SYNJ1: variants seen among roughly 807,000 people sequenced by gnomAD.
SYNJ1 encodes synaptojanin 1.
A neutral mutation model predicts 168.2 loss-of-function variants in SYNJ1; 78 were observed. The observed-to-expected ratio is 0.46, with a 90% CI of 0.39 to 0.56. SYNJ1 has a LOEUF of 0.56. Ranked by LOEUF, SYNJ1 falls within the 20% of genes least tolerant of loss-of-function variation. The probability of loss-of-function intolerance (pLI) is 0.00; values close to 1 mark genes in which losing one functional copy is unlikely to be tolerated. For missense variants in SYNJ1, 1,303 were observed against 1,597.6 expected, an observed-to-expected ratio of 0.82 and a Z score of 3.14; for synonymous variants, 539 against 548.6, an observed-to-expected ratio of 0.98 and a Z score of 0.24.
chr21:32,676,279 G>C, intron 13 of SYNJ1, 53 bp downstream of exon 13: 1 of 1,442,866 alleles, frequency 6.9e-7, no homozygotes, highest in Admixed American at 2.3e-5. Context: ...ATCGACTTCA[G>C]AAAAAATAAG....
chr21:32,711,694 C>T (rs1487304762), intron 2 of SYNJ1, among the ~76,000 whole-genome samples: 1 of 152,080 alleles, frequency 6.6e-6, no homozygotes, highest in Admixed American at 6.6e-5. Context: ...ATTACAACCT[C>T]GTTTCTCAAA....
At chr21:32,701,529 G>A (rs1479087206) in intron 3 of SYNJ1, among the ~76,000 whole-genome samples, 13 of 151,276 alleles carry the variant, frequency 8.6e-5, no homozygotes, top group South Asian at 2.1e-4. Flanking sequence ...TGCAGCTCAC[G>A]GTGACATTAC....
chr21:32,697,987 C>T (rs2042270602), intron 4 of SYNJ1, among the ~76,000 whole-genome samples: 1 of 152,162 alleles, frequency 6.6e-6, no homozygotes, highest in South Asian at 2.1e-4. Flanking sequence ...CAAGGGACTT[C>T]AACATCTTCT....
Position 32,726,822 on chromosome 21 carries a change from C to G in SYNJ1, c.74G>C (p.Arg25Thr), listed in dbSNP as rs774776352. Residue 25 changes from arginine (R) to threonine (T), a missense_variant, in exon 2 of 33, where the codon AGG becomes ACG. By Grantham distance (71) the Arg-to-Thr change is moderately conservative (BLOSUM62 -1). Coordinates refer to ENST00000674351, the MANE Select transcript of SYNJ1 (RefSeq NM_203446.3). ...GAACATGAGACATTCTTCCTTATGC[C>G]TAGTTTCCACTATGAGGCTGAAAGG... Reference protein sequence around the residue: ...PPPFSLIVETRHKEECLMFES... With the variant: ...PPPFSLIVETTHKEECLMFES... The G allele has an allele frequency of 6.2e-7, 1 of 1,614,180 alleles. No individual in the cohort carries two copies.
At chr21:32,657,953 T>C in intron 18 of SYNJ1, 81 bp from the exon 19 acceptor site, 7 of 1,108,400 alleles carry the variant, frequency 6.3e-6, no homozygotes, top group Non-Finnish European at 9.2e-6. Flanking sequence ...CCATTAAATG[T>C]CTATTACATG....
intron 4 of SYNJ1, among the ~76,000 whole-genome samples, chr21:32,698,870 G>A (rs982028427): frequency 1.3e-5 from 2 of 152,220 alleles, no homozygotes; most frequent in Non-Finnish European, 2.9e-5. Context: ...GAAAGGGAAT[G>A]CCGCCAGAGA....
At chr21:32,709,502 G>A (rs1225508287) in intron 2 of SYNJ1, among the ~76,000 whole-genome samples, 9 of 94,142 alleles carry the variant, frequency 9.6e-5, no homozygotes, top group African/African-American at 1.5e-4. Flanking sequence ...AAAAAAAAAA[G>A]AAAGAGATTT....
intron 32 of SYNJ1, among the ~76,000 whole-genome samples, chr21:32,633,017 C>CA (rs1369662558): frequency 2.6e-5 from 4 of 151,592 alleles, no homozygotes; most frequent in Non-Finnish European, 5.9e-5. Context: ...AACTCCGCCT[C>CA]AAAAAACAAA....
chr21:32,653,481 G>A (rs1412332919), intron 21 of SYNJ1, 115 bp from the exon 22 acceptor site: 2 of 804,502 alleles, frequency 2.5e-6, no homozygotes, highest in African/African-American at 1.7e-5. Flanking sequence ...GAAGTAAAAA[G>A]TAAAGGAGGG....
intron 2 of SYNJ1, among the ~76,000 whole-genome samples, chr21:32,704,563 G>A (rs184822724): frequency 2.0e-5 from 3 of 152,264 alleles, no homozygotes; most frequent in Non-Finnish European, 4.4e-5. Flanking sequence ...GGGAGGGGCC[G>A]CCTGGCATGA....
chr21:32,727,783 G>T, intron 1 of SYNJ1, 163 bp downstream of exon 1: 2 of 1,399,046 alleles, frequency 1.4e-6, no homozygotes, highest in Non-Finnish European at 1.9e-6. Flanking sequence ...CCAGTGGTCT[G>T]CTCACAACCC....
chr21:32,641,466 C>T (rs1036822672), intron 29 of SYNJ1, among the ~76,000 whole-genome samples: 1 of 151,832 alleles, frequency 6.6e-6, no homozygotes, highest in African/African-American at 2.4e-5. Context: ...AAGAAAAAAA[C>T]CAAAAAGAGA....
At chr21:32,641,003 C>CT (rs1007956963) in intron 29 of SYNJ1, among the ~76,000 whole-genome samples, 1 of 151,696 alleles carries the variant, frequency 6.6e-6, no homozygotes, top group African/African-American at 2.4e-5. Context: ...GCAAATTTCC[C>CT]TTTTTTTGAA....
At chr21:32,725,281 C>T (rs1011175978) in intron 2 of SYNJ1, among the ~76,000 whole-genome samples, 7 of 152,102 alleles carry the variant, frequency 4.6e-5, no homozygotes, top group African/African-American at 7.2e-5. Flanking sequence ...CAAACATTCG[C>T]CCCACCCAAC....
chr21:32,650,048 C>A, intron 23 of SYNJ1, 136 bp downstream of exon 23: 1 of 1,122,068 alleles, frequency 8.9e-7, no homozygotes, highest in South Asian at 1.9e-5. Context: ...CCGCACCTGG[C>A]CAAAATACAT....
At position 32,678,854 on chromosome 21, in the gene SYNJ1, T is replaced by C. The variant is rs543959137; in HGVS notation, c.1354-53A>G. On this transcript the variant is annotated intron_variant, in intron 11 of 32. Transcript: ENST00000674351. ...AGATTTTCATTTTAAATATTACTGA[T>C]TTTACTCATTAGGTTTTTTGAAATT... 4.4e-5 allele frequency: 69 copies of C among 1,571,480 alleles called. 1 individual carries two copies. In the South Asian group the frequency reaches 6.2e-4, roughly 14 times the overall value.
At chr21:32,719,444 T>A (rs962326971) in intron 2 of SYNJ1, among the ~76,000 whole-genome samples, 5 of 152,238 alleles carry the variant, frequency 3.3e-5, no homozygotes, top group Non-Finnish European at 7.3e-5. Flanking sequence ...CTGGGAGCAG[T>A]GGCTCACGCC....
chr21:32,687,058 T>C lies in SYNJ1; in HGVS notation c.868A>G (p.Lys290Glu), dbSNP rs2146099258. 6.6e-7 allele frequency: 1 copy of C among 1,510,166 alleles called. No individual in the cohort carries two copies. Among genetic ancestry groups the C allele is most frequent in the Non-Finnish European group, 8.9e-7 (1 of 1,128,790 alleles). 93.5% of individuals were successfully genotyped at this position (1,510,166 alleles called of 1,614,324 possible). ...ATTATTTGTTTACCATATAAGTTCTTAAGTGTTCTAAAATGCCTATTTAAG... is the reference window on the plus strand; with the variant it reads ...ATTATTTGTTTACCATATAAGTTCTCAAGTGTTCTAAAATGCCTATTTAAG... ...PAFDRHFRTLKNLYGKQIIVN... is the reference protein window; with the variant it reads ...PAFDRHFRTLENLYGKQIIVN... Residue 290 changes from lysine (K) to glutamate (E), a missense_variant, in exon 8 of 33, where the codon AAG becomes GAG. Transcript: ENST00000674351.
Position 32,673,354 on chromosome 21 carries a change from A to G in SYNJ1, c.1712T>C (p.Ile571Thr), listed in dbSNP as rs2041277950. 3 of 1,607,526 alleles carry G rather than the reference A, an allele frequency of 1.9e-6. No individual in the cohort carries two copies. The highest frequency in any genetic ancestry group is 3.4e-5 in the Admixed American group (2 of 58,696). The change falls in exon 14 of 33, where the codon ATC becomes ACC. Residue 571 changes from isoleucine (I) to threonine (T), a missense_variant. Coordinates refer to ENST00000674351, the MANE Select transcript of SYNJ1 (RefSeq NM_203446.3). ...AAAAAGCCAACCTTGAAACTCCTGGATGCCAGCTAACTTGGGTGCATCAAG... is the reference window on the plus strand; with the variant it reads ...AAAAAGCCAACCTTGAAACTCCTGGGTGCCAGCTAACTTGGGTGCATCAAG... ...WLLDAPKLAG[I>T]QEFQDKRSKP...
Sources: gnomAD v4.1 joint callset for allele counts (sites outside exome capture counted in the v4.1 genomes callset) on GRCh38, gnomAD v4.1.1 for gene constraint, MANE v1.5 for transcripts, NCBI Gene and HGNC (gene_info 2026-07-23, HGNC 2026-07-21) for gene names.